Variants in PKD2L1 observed in about 807,000 individuals in gnomAD.
PKD2L1 encodes polycystin 2 like 1, transient receptor potential cation channel.
Under a neutral mutation model 93.0 loss-of-function variants are expected in PKD2L1, and 77 were observed. The ratio of observed to expected loss-of-function variants is 0.83; its 90% CI spans 0.69 to 1.00. The LOEUF (loss-of-function observed/expected upper bound fraction) is 1.00, where lower values mean the gene tolerates loss of function less well. PKD2L1 is among the 50% of genes least tolerant of loss of function. The probability of loss-of-function intolerance (pLI) is 0.00; values close to 1 mark genes in which losing one functional copy is unlikely to be tolerated. For missense variants in PKD2L1, 977 were observed against 990.9 expected (o/e 0.99, Z 0.19); for synonymous variants, 390 against 388.0 (o/e 1.01, Z -0.06).
Position 100,321,784 on chromosome 10 carries a change from GAGGGAGGGAGGGAGGGAGGGAGGGAGGA to G in PKD2L1, c.349+7399_349+7426del, listed in dbSNP as rs1466118326. On this transcript the variant is annotated intron_variant, in intron 2 of 15. Transcript: ENST00000318222. Reference sequence around the variant, plus strand: ...GGAGGGAGGGAGGGAGGGAGGGAGGGAGGGAGGGAGGGAGGGAGGGAGGGAGGAAGGAAGGAAAGAAAGAAAGAAGGAA... The same window carrying G: ...GGAGGGAGGGAGGGAGGGAGGGAGGGAGGAAGGAAAGAAAGAAAGAAGGAA... Among the ~76,000 whole-genome samples the G allele has an allele frequency of 3.9e-3, 29 of 7,482 alleles. 10 individuals are homozygous for G. Among genetic ancestry groups the G allele is most frequent in the South Asian group, 0.011 (2 of 178 alleles). 4.9% of individuals were successfully genotyped at this position (7,482 alleles called of 152,430 possible). A position where few individuals can be genotyped will look rare whatever the true frequency, so the allele number is the denominator to read the frequency against.
At chr10:100,327,694 C>T (rs760202710) in intron 2 of PKD2L1, among the ~76,000 whole-genome samples, 3 of 152,190 alleles carry the variant, frequency 2.0e-5, no homozygotes, top group Non-Finnish European at 1.5e-5. Context: ...ATAATCGATA[C>T]GTCAACAAAT....
At chr10:100,295,985 A>G (rs2134380982) in intron 7 of PKD2L1, 137 bp downstream of exon 7, 1 of 697,498 alleles carries the variant, frequency 1.4e-6, no homozygotes, top group Non-Finnish European at 2.3e-6. Context: ...GCAGTGAGCC[A>G]AGATCGCCCC....
intron 2 of PKD2L1, among the ~76,000 whole-genome samples, chr10:100,305,725 C>T (rs1164163277): frequency 1.3e-5 from 2 of 152,122 alleles, no homozygotes; most frequent in Non-Finnish European, 1.5e-5. Flanking sequence ...AGATGGGCAT[C>T]AGGCATGGAG....
At chr10:100,323,524 C>T (rs1167715275) in intron 2 of PKD2L1, among the ~76,000 whole-genome samples, 1 of 152,172 alleles carries the variant, frequency 6.6e-6, no homozygotes, top group South Asian at 2.1e-4. Flanking sequence ...CCGCCTCGGT[C>T]TGCCGAAGTT....
chr10:100,319,454 ATGACAAAGTATCT>A (rs77747924), intron 2 of PKD2L1, among the ~76,000 whole-genome samples: 8,647 of 152,272 alleles, frequency 0.057, 354 homozygotes, highest in Non-Finnish European at 0.088. Flanking sequence ...GTGGTTCTAT[ATGACAAAGTATCT>A]TCTGACATCA....
chr10:100,314,404 G>A (rs954622003), intron 2 of PKD2L1, among the ~76,000 whole-genome samples: 5 of 152,180 alleles, frequency 3.3e-5, no homozygotes, highest in African/African-American at 4.8e-5. Context: ...AAGCAAAACA[G>A]ACCAGTGCCT....
At chr10:100,293,799 G>T (rs1202559737) in intron 9 of PKD2L1, among the ~76,000 whole-genome samples, 1 of 152,052 alleles carries the variant, frequency 6.6e-6, no homozygotes, top group Non-Finnish European at 1.5e-5. Context: ...AAAATTGCTG[G>T]CCTTGTTAGT....
intron 7 of PKD2L1, among the ~76,000 whole-genome samples, chr10:100,295,529 C>G (rs1589662361): frequency 6.6e-6 from 1 of 150,422 alleles, no homozygotes; most frequent in Non-Finnish European, 1.5e-5. Context: ...GTCAGGAGTT[C>G]GAGACCAGCC....
intron 2 of PKD2L1, among the ~76,000 whole-genome samples, chr10:100,306,112 A>G (rs915502970): frequency 6.6e-6 from 1 of 152,110 alleles, no homozygotes; most frequent in African/African-American, 2.4e-5. Context: ...GCAGTGAGCC[A>G]AGATCATCTC....
chr10:100,323,968 C>A (rs1456799983), intron 2 of PKD2L1, among the ~76,000 whole-genome samples: 5 of 152,082 alleles, frequency 3.3e-5, no homozygotes, highest in Non-Finnish European at 2.9e-5. Flanking sequence ...GCTGGGATTA[C>A]AGGTGCCCGC....
chr10:100,293,264 G>A lies in PKD2L1; in HGVS notation c.1758+17C>T. The A allele has an allele frequency of 1.9e-6, 3 of 1,574,828 alleles. No homozygotes were observed. Among genetic ancestry groups the A allele is most frequent in the Non-Finnish European group, 2.6e-6 (3 of 1,144,126 alleles). On this transcript the variant is annotated intron_variant, in intron 10 of 15. Coordinates refer to ENST00000318222, the MANE Select transcript of PKD2L1 (RefSeq NM_016112.3). ...GCACTGATGGAAATGTGTAGCTCAA[G>A]GAGATTGAGCAATCACCTGTTTCAG... is the stretch of plus-strand genomic sequence containing the variant.
At chr10:100,320,457 G>T (rs1381694511) in intron 2 of PKD2L1, among the ~76,000 whole-genome samples, 1 of 152,174 alleles carries the variant, frequency 6.6e-6, no homozygotes, top group Non-Finnish European at 1.5e-5. Context: ...CTGCCAAATT[G>T]CTGTGCAGGT....
chr10:100,329,368 T>C (rs1849452799), intron 1 of PKD2L1, 44 bp from the exon 2 acceptor site: 1 of 1,613,374 alleles, frequency 6.2e-7, no homozygotes, highest in African/African-American at 1.3e-5. Context: ...AGTGGCAGTG[T>C]TCCTCCCAGT....
intron 2 of PKD2L1, among the ~76,000 whole-genome samples, chr10:100,318,960 C>T (rs946567193): frequency 1.3e-5 from 2 of 151,916 alleles, no homozygotes; most frequent in Non-Finnish European, 2.9e-5. Context: ...ATTCTCCTGC[C>T]TCAGCTTCCC....
chr10:100,323,972 T>G (rs190085187), intron 2 of PKD2L1, among the ~76,000 whole-genome samples: 3,029 of 151,820 alleles, frequency 0.02, 42 homozygotes, highest in Non-Finnish European at 0.031. Context: ...GGATTACAGG[T>G]GCCCGCCATC....
At chr10:100,290,971 T>G (rs958533710) in intron 12 of PKD2L1, among the ~76,000 whole-genome samples, 1 of 152,212 alleles carries the variant, frequency 6.6e-6, no homozygotes, top group Non-Finnish European at 1.5e-5. Flanking sequence ...GGGCAGTTGG[T>G]CATTTTTCCC....
intron 2 of PKD2L1, among the ~76,000 whole-genome samples, chr10:100,313,971 G>T (rs1176288218): frequency 6.6e-6 from 1 of 152,132 alleles, no homozygotes; most frequent in Non-Finnish European, 1.5e-5. Context: ...ATAGTTGCTT[G>T]ATTTATAAAC....
At chr10:100,293,152 G>T in intron 10 of PKD2L1, 83 bp from the exon 11 acceptor site, 1 of 1,586,164 alleles carries the variant, frequency 6.3e-7, no homozygotes, top group Non-Finnish European at 8.6e-7. Context: ...AGTATGCCAG[G>T]CTTCCAAGGA....
rs181751136 is a variant in PKD2L1 at position 100,328,070 on chromosome 10, T to C, written c.349+1141A>G. Among the ~76,000 whole-genome samples, 15 of 152,342 alleles carry C rather than the reference T, an allele frequency of 9.8e-5. No individual in the cohort carries two copies. The East Asian group carries it at 2.9e-3, about 29-fold the overall frequency. ...ACACCTACTAATGAGGGCATCTTAG[T>C]TGTACGATTCAACCTACAGCTTTAA... On this transcript the variant is annotated intron_variant, in intron 2 of 15. Transcript: ENST00000318222.
Sources: gnomAD v4.1 joint callset for allele counts (sites outside exome capture counted in the v4.1 genomes callset) on GRCh38, gnomAD v4.1.1 for gene constraint, MANE v1.5 for transcripts, NCBI Gene and HGNC (gene_info 2026-07-23, HGNC 2026-07-21) for gene names.